The following AKT3 variants were observed in gnomAD, a reference collection of about 807,000 sequenced individuals.
AKT3 encodes the protein AKT serine/threonine kinase 3.
In AKT3, 15 loss-of-function variants were observed where a neutral mutation model predicts 65.3. That is an observed-to-expected ratio of 0.23 (90% CI 0.15 to 0.35). The LOEUF is 0.35. Ranked by LOEUF, AKT3 falls within the 10% of genes least tolerant of loss-of-function variation. The pLI is 1.00. For synonymous variants in AKT3, 206 were observed against 183.8 expected (o/e 1.12, Z -0.98); for missense variants, 243 against 576.5 (o/e 0.42, Z 5.92).
chr1:243,683,250 T>C (rs1222425842), intron 3 of AKT3, among the ~76,000 whole-genome samples: 5 of 152,178 alleles, frequency 3.3e-5, no homozygotes, highest in African/African-American at 9.6e-5. Context: ...AAGGGCTTGA[T>C]ACATAGTAAC....
intron 3 of AKT3, chr1:243,687,530 G>T (rs550431261): frequency 1.3e-5 from 2 of 152,264 alleles, no homozygotes; most frequent in Non-Finnish European, 2.9e-5. Context: ...CAGAGATGCA[G>T]AGGGTTGCTT....
chr1:243,830,835 AT>A (rs1367823267), intron 2 of AKT3, among the ~76,000 whole-genome samples: 7 of 152,174 alleles, frequency 4.6e-5, no homozygotes, highest in Non-Finnish European at 8.8e-5. Flanking sequence ...TAGATACCTT[AT>A]TTACTAGTCC....
chr1:243,523,310 T>C (rs1390624609), intron 12 of AKT3, among the ~76,000 whole-genome samples: 1 of 111,738 alleles, frequency 8.9e-6, no homozygotes, highest in African/African-American at 3.6e-5. Context: ...CACACACACC[T>C]TTCAGAAACC....
chr1:243,693,473 T>C (rs1684856383), intron 3 of AKT3, among the ~76,000 whole-genome samples: 1 of 151,596 alleles, frequency 6.6e-6, no homozygotes, highest in Non-Finnish European at 1.5e-5. Context: ...ATTCTTCTTC[T>C]CTGTTTTAAT....
downstream of AKT3, among the ~76,000 whole-genome samples, chr1:243,496,871 TTAGCAGCTGTGTG>T (rs1046780266): frequency 2.0e-5 from 3 of 152,188 alleles, no homozygotes; most frequent in African/African-American, 7.2e-5. Context: ...AGAAAATGGG[TTAGCAGCTGTGTG>T]CCTGCAGATG....
chr1:243,547,675 G>A (rs1156966162), intron 11 of AKT3, among the ~76,000 whole-genome samples: 1 of 152,152 alleles, frequency 6.6e-6, no homozygotes, highest in African/African-American at 2.4e-5. Flanking sequence ...TCGTAGGTCA[G>A]AAATCATTTA....
chr1:243,547,044 T>C (rs2148452692), intron 11 of AKT3: 3 of 152,352 alleles, frequency 2.0e-5, no homozygotes, highest in Middle Eastern at 6.8e-3. Context: ...CTATTTACAA[T>C]GTAATGAATC....
intron 2 of AKT3, among the ~76,000 whole-genome samples, chr1:243,761,990 C>A (rs775235406): frequency 2.0e-5 from 3 of 152,004 alleles, no homozygotes; most frequent in Non-Finnish European, 4.4e-5. Context: ...AATTTCTAAA[C>A]GTCAAAATAA....
chr1:243,610,717 C>G (rs1677806824), intron 8 of AKT3, among the ~76,000 whole-genome samples: 1 of 152,208 alleles, frequency 6.6e-6, no homozygotes, highest in East Asian at 1.9e-4. Context: ...TTCCCAAAGA[C>G]AAGCACTAAT....
chr1:243,546,716 T>C (rs1234016484), intron 11 of AKT3: 1 of 152,096 alleles, frequency 6.6e-6, no homozygotes, highest in Non-Finnish European at 1.5e-5. Flanking sequence ...GACATATAAA[T>C]TTAAATTTTA....
At chr1:243,784,187 G>C (rs1213096111) in intron 2 of AKT3, among the ~76,000 whole-genome samples, 1 of 152,182 alleles carries the variant, frequency 6.6e-6, no homozygotes, top group Non-Finnish European at 1.5e-5. Context: ...CCCGTCCTGA[G>C]AAGTACATAA....
In AKT3 at chr1:243,545,607, C is replaced by T; in HGVS notation, c.1164-10G>A. The T allele has an allele frequency of 1.9e-6, 3 of 1,590,286 alleles. No homozygotes were observed. Among genetic ancestry groups the T allele is most frequent in the Non-Finnish European group, 2.6e-6 (3 of 1,160,618 alleles). On this transcript the variant is annotated splice_polypyrimidine_tract_variant and intron_variant, in intron 11 of 13. Coordinates refer to ENST00000673466, the MANE Select transcript of AKT3 (RefSeq NM_005465.7). ...TGGTCCTCCACCAAGGCTATGAGAA[C>T]AGAAATAAAATTAAGTAAGTATAAA...
chr1:243,741,064 A>G (rs12124113), intron 2 of AKT3, among the ~76,000 whole-genome samples: 29,137 of 152,138 alleles, frequency 0.19, 3,056 homozygotes, highest in East Asian at 0.34. Context: ...TGGGAAATTT[A>G]TATCATTAAT....
chr1:243,697,904 GAATA>G (rs1409924749), intron 2 of AKT3, among the ~76,000 whole-genome samples: 1 of 151,294 alleles, frequency 6.6e-6, no homozygotes, highest in Non-Finnish European at 1.5e-5. Flanking sequence ...TTAAACAAAT[GAATA>G]AATAGAGGAT....
At chr1:243,637,426 TATGA>T (rs1680056455) in intron 6 of AKT3, among the ~76,000 whole-genome samples, 181 bp downstream of exon 6, 1 of 152,094 alleles carries the variant, frequency 6.6e-6, no homozygotes, top group Non-Finnish European at 1.5e-5. Context: ...ATACAAATAT[TATGA>T]ATGTCTGAAA....
intron 2 of AKT3, among the ~76,000 whole-genome samples, chr1:243,760,775 G>A (rs1295932998): frequency 6.6e-6 from 1 of 151,988 alleles, no homozygotes; most frequent in African/African-American, 2.4e-5. Flanking sequence ...GTATAGTGTT[G>A]AAGTCTCACC....
At chr1:243,680,031 CAG>C (rs1214240777) in intron 3 of AKT3, among the ~76,000 whole-genome samples, 1 of 152,138 alleles carries the variant, frequency 6.6e-6, no homozygotes, top group Non-Finnish European at 1.5e-5. Flanking sequence ...CCTATAGAGA[CAG>C]AAACTTTATC....
chr1:243,539,164 C>T (rs949499796), intron 12 of AKT3, among the ~76,000 whole-genome samples: 4 of 152,050 alleles, frequency 2.6e-5, no homozygotes, highest in Non-Finnish European at 5.9e-5. Flanking sequence ...CACGTACACC[C>T]GGATTTTCTT....
chr1:243,713,038 G>A (rs2148080145), intron 2 of AKT3, among the ~76,000 whole-genome samples: 1 of 152,234 alleles, frequency 6.6e-6, no homozygotes, highest in African/African-American at 2.4e-5. Flanking sequence ...AAGTATTATG[G>A]AATTACTTAC....
Sources: gnomAD v4.1 joint callset for allele counts (sites outside exome capture counted in the v4.1 genomes callset) on GRCh38, gnomAD v4.1.1 for gene constraint, MANE v1.5 for transcripts, NCBI Gene and HGNC (gene_info 2026-07-23, HGNC 2026-07-21) for gene names.